PARD3B: variants seen among roughly 807,000 people sequenced by gnomAD.
PARD3B encodes the protein partitioning defective 3 homolog B.
In PARD3B, 103 loss-of-function variants were observed where a neutral mutation model predicts 130.2. The ratio of observed to expected loss-of-function variants is 0.79; its 90% CI spans 0.67 to 0.93. The LOEUF is 0.93. PARD3B is among the 40% of genes least tolerant of loss of function. The pLI, the probability that PARD3B is intolerant of heterozygous loss-of-function variation, is 0.00. For synonymous variants in PARD3B, 583 were observed against 553.2 expected (o/e 1.05, Z -0.76); for missense variants, 1,609 against 1,499.2 (o/e 1.07, Z -1.21).
intron 3 of PARD3B, among the ~76,000 whole-genome samples, chr2:205,006,019 A>G (rs1695235692): frequency 6.6e-6 from 1 of 152,130 alleles, no homozygotes; most frequent in Non-Finnish European, 1.5e-5. Flanking sequence ...AGGCCTTTGC[A>G]TCGTCATAGC....
chr2:205,442,290 CTTTTTTTTTTTTTTTT>C (rs71410814), intron 20 of PARD3B, among the ~76,000 whole-genome samples: 4 of 105,994 alleles, frequency 3.8e-5, no homozygotes, highest in Admixed American at 9.9e-5. Context: ...ACAGGTTTTC[CTTTTTTTTTTTTTTTT>C]TTTTTTTTTT....
At chr2:205,508,187 T>C (rs1389385279) in intron 21 of PARD3B, among the ~76,000 whole-genome samples, 11 of 152,254 alleles carry the variant, frequency 7.2e-5, no homozygotes, top group Admixed American at 7.2e-4. Context: ...GCTCTGTTTA[T>C]ATCTTCATGG....
intron 3 of PARD3B, among the ~76,000 whole-genome samples, chr2:205,037,714 C>G (rs1288616560): frequency 1.3e-5 from 2 of 150,974 alleles, no homozygotes; most frequent in Admixed American, 6.6e-5. Flanking sequence ...CTCAGTTTCC[C>G]CTTAACTGGA....
At position 205,530,799 on chromosome 2, in the gene PARD3B, G is replaced by A. The variant is rs1473210789; in HGVS notation, c.3181-22525G>A. Among the ~76,000 whole-genome samples, 2 of 152,156 alleles carry A rather than the reference G, an allele frequency of 1.3e-5. No homozygotes were observed. Among genetic ancestry groups the A allele is most frequent in the African/African-American group, 2.4e-5 (1 of 41,444 alleles). On this transcript the variant is annotated intron_variant, in intron 21 of 22. Transcript: ENST00000406610. This position sits in a 1 kb window ranked among gnomAD's most constrained non-coding sequence, Gnocchi z 4.7. Reference sequence around the variant, plus strand: ...GGCCACACAGATACTCATGCTGGACGATTCAAGAAGATGAAATGGGGAAGA... The same window carrying A: ...GGCCACACAGATACTCATGCTGGACAATTCAAGAAGATGAAATGGGGAAGA...
intron 2 of PARD3B, among the ~76,000 whole-genome samples, chr2:204,783,429 C>G (rs1456678908): frequency 1.3e-5 from 2 of 151,974 alleles, no homozygotes; most frequent in East Asian, 3.9e-4. Flanking sequence ...GATTTGGGCC[C>G]CACCCATATT....
At chr2:204,681,619 T>C (rs1242368075) in intron 1 of PARD3B, among the ~76,000 whole-genome samples, 1 of 152,196 alleles carries the variant, frequency 6.6e-6, no homozygotes, top group East Asian at 1.9e-4. Context: ...TCAGTGCTGC[T>C]CTGCTAGGCT....
intron 16 of PARD3B, among the ~76,000 whole-genome samples, chr2:205,285,907 G>A (rs1250031768): frequency 6.6e-6 from 1 of 152,190 alleles, no homozygotes. Flanking sequence ...TCCTGCAGAT[G>A]TGGAGGAAAA....
intron 16 of PARD3B, among the ~76,000 whole-genome samples, chr2:205,266,878 A>G (rs2040524851): frequency 6.6e-6 from 1 of 152,278 alleles, no homozygotes; most frequent in South Asian, 2.1e-4. Context: ...GTGATTTTCA[A>G]TAAGATATGC....
At chr2:205,498,883 T>C (rs2050046784) in intron 20 of PARD3B, among the ~76,000 whole-genome samples, 2 of 152,182 alleles carry the variant, frequency 1.3e-5, no homozygotes, top group Non-Finnish European at 2.9e-5. Flanking sequence ...CATGACCCCA[T>C]GCAAATCTCT....
intron 16 of PARD3B, among the ~76,000 whole-genome samples, chr2:205,248,438 G>A (rs1417006913): frequency 1.3e-5 from 2 of 148,796 alleles, no homozygotes; most frequent in African/African-American, 2.6e-5. Context: ...GCAGCAGAGG[G>A]TTAAGGGTTC....
At chr2:205,466,393 C>T (rs1306506669) in intron 20 of PARD3B, among the ~76,000 whole-genome samples, 1 of 151,996 alleles carries the variant, frequency 6.6e-6, no homozygotes, top group African/African-American at 2.4e-5. Context: ...TTTTTTGGGT[C>T]TTTTTTATAT....
intron 3 of PARD3B, among the ~76,000 whole-genome samples, chr2:205,045,372 C>A (rs867824713): frequency 6.6e-6 from 1 of 151,680 alleles, no homozygotes; most frequent in Non-Finnish European, 1.5e-5. Flanking sequence ...CTTCAGCCTC[C>A]GAGTAGCTGG....
At chr2:205,536,724 T>A (rs2051877427) in intron 21 of PARD3B, among the ~76,000 whole-genome samples, 1 of 152,148 alleles carries the variant, frequency 6.6e-6, no homozygotes, top group Non-Finnish European at 1.5e-5. Context: ...GTGACTTGGA[T>A]TAATGTTGGT....
At chr2:205,115,134 T>C (rs1575828032) in intron 6 of PARD3B, among the ~76,000 whole-genome samples, 2 of 152,156 alleles carry the variant, frequency 1.3e-5, no homozygotes, top group African/African-American at 2.4e-5. Context: ...TCATTTTCAG[T>C]AGTTCAGAAA....
chr2:205,277,175 C>T (rs1022773514), intron 16 of PARD3B, among the ~76,000 whole-genome samples: 4 of 152,120 alleles, frequency 2.6e-5, no homozygotes, highest in Admixed American at 6.5e-5. Context: ...GAAAAGTGAC[C>T]GTGACTTCAT....
intron 16 of PARD3B, among the ~76,000 whole-genome samples, chr2:205,250,309 G>C (rs2039786230): frequency 6.6e-6 from 1 of 151,852 alleles, no homozygotes; most frequent in South Asian, 2.1e-4. Context: ...TGCTGACCCA[G>C]CTCTTTAAGA....
intron 14 of PARD3B, among the ~76,000 whole-genome samples, chr2:205,191,779 C>A (rs2036413648): frequency 6.6e-6 from 1 of 152,176 alleles, no homozygotes; most frequent in South Asian, 2.1e-4. Flanking sequence ...GTTGACACTG[C>A]TAGTAAGTAC....
intron 15 of PARD3B, among the ~76,000 whole-genome samples, chr2:205,194,864 A>C (rs149628320): frequency 2.0e-5 from 3 of 151,282 alleles, no homozygotes; most frequent in Non-Finnish European, 4.4e-5. Context: ...GCTCACTGCA[A>C]CCTCCGCCCC....
At chr2:204,914,703 G>A (rs12474849) in intron 2 of PARD3B, among the ~76,000 whole-genome samples, 1 of 151,996 alleles carries the variant, frequency 6.6e-6, no homozygotes, top group Admixed American at 6.5e-5. Flanking sequence ...GTGGTGAAGA[G>A]GTTAGGAGCA....
Sources: gnomAD v4.1 joint callset for allele counts (sites outside exome capture counted in the v4.1 genomes callset) on GRCh38, gnomAD v4.1.1 for gene constraint, Gnocchi (gnomAD v3.1) non-coding constraint, MANE v1.5 for transcripts, NCBI Gene and HGNC (gene_info 2026-07-23, HGNC 2026-07-21) for gene names.